The following HS2ST1 variants were observed in gnomAD, a reference collection of about 807,000 sequenced individuals.
The protein encoded by HS2ST1 is heparan sulfate 2-O-sulfotransferase 1, also known as 2-O-sulfotransferase.
Under a neutral mutation model 42.9 loss-of-function variants are expected in HS2ST1, and 18 were observed. The observed-to-expected ratio is 0.42, with a 90% confidence interval of 0.29 to 0.62. The LOEUF (loss-of-function observed/expected upper bound fraction) is 0.62, where lower values mean the gene tolerates loss of function less well. HS2ST1 is among the 20% of genes least tolerant of loss of function. The probability of loss-of-function intolerance (pLI) is 0.21; values close to 1 mark genes in which losing one functional copy is unlikely to be tolerated. For synonymous variants in HS2ST1, 146 were observed against 152.9 expected, an observed-to-expected ratio of 0.95 and a Z score of 0.33; for missense variants, 334 against 433.8, an observed-to-expected ratio of 0.77 and a Z score of 2.04.
chr1:86,997,466 T>C (rs1433188174), intron 1 of HS2ST1, among the ~76,000 whole-genome samples: 1 of 149,072 alleles, frequency 6.7e-6, no homozygotes, highest in Non-Finnish European at 1.5e-5. Context: ...CTTTATGATA[T>C]ATTCACCTGT....
chr1:87,080,598 C>T lies in HS2ST1; in HGVS notation c.364-3596C>T, dbSNP rs566981536. Among the ~76,000 whole-genome samples, 7 of 152,244 alleles carry T rather than the reference C, an allele frequency of 4.6e-5. No individual in the cohort carries two copies. The South Asian group carries it at 1.0e-3, about 23-fold the overall frequency. ...AACTATCCACACAAAAAAGCACCCC[C>T]ATAAGAACCAAAAATCAGGTGAGCA... On this transcript the variant is annotated intron_variant, in intron 2 of 6. Coordinates refer to ENST00000370550, the MANE Select transcript of HS2ST1 (RefSeq NM_012262.4).
At position 87,107,666 on chromosome 1, in the gene HS2ST1, C is replaced by A. The variant is rs1570552307; in HGVS notation, c.*2970C>A. 1.3e-5 allele frequency: 2 copies of A among 149,150 alleles called. No homozygotes were observed. The highest frequency in any genetic ancestry group is 4.9e-5 in the African/African-American group (2 of 40,762). The allele number at this position is 149,150 out of a possible 1,614,324, so 9.2% of individuals were successfully genotyped here. On this transcript the variant is annotated 3_prime_UTR_variant, in exon 7 of 7. Coordinates refer to ENST00000370550, the MANE Select transcript of HS2ST1 (RefSeq NM_012262.4). ...ACATATATATATATATGTTTATTTCCTAAAAGAAGAAAAGATACCTTTCTG... is the reference window on the plus strand; with the variant it reads ...ACATATATATATATATGTTTATTTCATAAAAGAAGAAAAGATACCTTTCTG...
chr1:86,938,126 T>C (rs1660693426), intron 1 of HS2ST1, among the ~76,000 whole-genome samples: 1 of 152,170 alleles, frequency 6.6e-6, no homozygotes, highest in South Asian at 2.1e-4. Context: ...TGATTTCTTC[T>C]TATTTAAGGA....
chr1:87,064,666 T>A (rs1651201919), intron 1 of HS2ST1, among the ~76,000 whole-genome samples: 1 of 152,150 alleles, frequency 6.6e-6, no homozygotes, highest in South Asian at 2.1e-4. Flanking sequence ...TTCAAGCTAA[T>A]AATACTCTTT....
At chr1:87,098,007 A>G in intron 5 of HS2ST1, 72 bp downstream of exon 5, 1 of 1,599,164 alleles carries the variant, frequency 6.3e-7, no homozygotes, top group Non-Finnish European at 8.5e-7. Flanking sequence ...TCATTTCACA[A>G]GGGCTAGATA....
At chr1:87,089,941 C>T (rs567244591) in intron 3 of HS2ST1, among the ~76,000 whole-genome samples, 27 of 152,026 alleles carry the variant, frequency 1.8e-4, no homozygotes, top group South Asian at 1.7e-3. Context: ...TGTTCTTCTG[C>T]GAGGAGATTA....
At chr1:87,017,603 T>C (rs996740653) in intron 1 of HS2ST1, among the ~76,000 whole-genome samples, 1 of 152,232 alleles carries the variant, frequency 6.6e-6, no homozygotes. Flanking sequence ...ATTCGTCTTT[T>C]GTTTCAACAA....
In HS2ST1 at chr1:87,109,197, T is replaced by A. The variant is rs558412734; in HGVS notation, c.*4501T>A. ...GGGAAGGGGAAAAATTGGTGTCCTG[T>A]TTTAATATTTTCTTTTGTAGCCTTG... is the stretch of plus-strand genomic sequence containing the variant. On this transcript the variant is annotated 3_prime_UTR_variant, in exon 7 of 7. Transcript: ENST00000370550. 1 of 152,540 alleles carries A rather than the reference T, an allele frequency of 6.6e-6. No individual in the cohort carries two copies. Among genetic ancestry groups the A allele is most frequent in the Non-Finnish European group, 1.5e-5 (1 of 67,994 alleles). The allele number at this position is 152,540 out of a possible 1,614,324, so 9.4% of individuals were successfully genotyped here.
chr1:86,985,947 CTTCT>C (rs1284507172), intron 1 of HS2ST1, among the ~76,000 whole-genome samples: 1 of 150,756 alleles, frequency 6.6e-6, no homozygotes, highest in Non-Finnish European at 1.5e-5. Flanking sequence ...ACAAATTATT[CTTCT>C]TTTATAAAAT....
intron 2 of HS2ST1, 97 bp from the exon 3 acceptor site, chr1:87,084,097 G>T: frequency 1.4e-6 from 1 of 720,242 alleles, no homozygotes; most frequent in Non-Finnish European, 2.2e-6. Flanking sequence ...TGTAAAAGTG[G>T]TTTTAGGTTT....
chr1:87,025,976 T>G (rs946200789), intron 1 of HS2ST1, among the ~76,000 whole-genome samples: 1 of 152,252 alleles, frequency 6.6e-6, no homozygotes, highest in Non-Finnish European at 1.5e-5. Context: ...GCTGTTTCTA[T>G]GATTTAAAAG....
At chr1:86,980,203 C>T (rs72951408) in intron 1 of HS2ST1, among the ~76,000 whole-genome samples, 135 of 152,240 alleles carry the variant, frequency 8.9e-4, no homozygotes, top group African/African-American at 2.8e-3. Flanking sequence ...ATCATGGCCC[C>T]TGCTTTGAGG....
At position 86,914,917 on chromosome 1, in the gene HS2ST1, C is replaced by A. The variant is rs970490055; in HGVS notation, c.-120C>A. ...AGGGGGGTCGCTGCGGTGGTTCTCT[C>A]GCTGTCGCTCTCTCTTTGCCTCGCT... On this transcript the variant is annotated 5_prime_UTR_variant, in exon 1 of 7. Coordinates refer to ENST00000370550, the MANE Select transcript of HS2ST1 (RefSeq NM_012262.4). 3 of 1,275,494 alleles carry A rather than the reference C, an allele frequency of 2.4e-6. No individual in the cohort carries two copies. Among genetic ancestry groups the A allele is most frequent in the African/African-American group, 3.0e-5 (2 of 66,928 alleles). The allele number at this position is 1,275,494 out of a possible 1,614,324, so 79.0% of individuals were successfully genotyped here.
chr1:86,930,892 G>A (rs2102164148), intron 1 of HS2ST1, among the ~76,000 whole-genome samples: 1 of 152,148 alleles, frequency 6.6e-6, no homozygotes, highest in East Asian at 1.9e-4. Context: ...GAGAGGTGAA[G>A]AAAGGAGTCT....
At chr1:86,917,392 G>T (rs1232845580) in intron 1 of HS2ST1, among the ~76,000 whole-genome samples, 1 of 151,996 alleles carries the variant, frequency 6.6e-6, no homozygotes, top group Non-Finnish European at 1.5e-5. Flanking sequence ...GGTGGCGGGC[G>T]CCTGTAATCC....
intron 1 of HS2ST1, among the ~76,000 whole-genome samples, chr1:87,018,132 CCA>C (rs56401098): frequency 0.056 from 8,413 of 149,280 alleles, 383 homozygotes; most frequent in African/African-American, 0.13. Context: ...TAAATAAAAG[CCA>C]CACACACACA....
At chr1:87,050,993 C>T (rs1650816535) in intron 1 of HS2ST1, among the ~76,000 whole-genome samples, 1 of 151,952 alleles carries the variant, frequency 6.6e-6, no homozygotes, top group Admixed American at 6.6e-5. Context: ...CAAACCTTCA[C>T]TTTTAACATT....
At chr1:87,079,285 G>A (rs1254644560) in intron 2 of HS2ST1, among the ~76,000 whole-genome samples, 4 of 152,044 alleles carry the variant, frequency 2.6e-5, no homozygotes, top group South Asian at 2.1e-4. Flanking sequence ...TTACAGGCAT[G>A]AGCCACCACG....
intron 1 of HS2ST1, among the ~76,000 whole-genome samples, chr1:86,958,943 C>G (rs2102194816): frequency 6.6e-6 from 1 of 152,284 alleles, no homozygotes. Flanking sequence ...ATGTGGAAAT[C>G]AATTCATGTA....
Sources: allele counts gnomAD v4.1 joint callset (sites outside exome capture counted in the v4.1 genomes callset), GRCh38; gene constraint gnomAD v4.1.1; transcripts MANE v1.5; gene names NCBI Gene and HGNC (gene_info 2026-07-23, HGNC 2026-07-21).